CSMD2: variants seen among roughly 807,000 people sequenced by gnomAD.
CSMD2 encodes CUB and Sushi multiple domains 2.
In CSMD2, 130 loss-of-function variants were observed where a neutral mutation model predicts 398.5. The observed-to-expected ratio is 0.33, with a 90% CI of 0.28 to 0.38. CSMD2 has a LOEUF of 0.38. Ranked by LOEUF, CSMD2 falls within the 10% of genes least tolerant of loss-of-function variation. The pLI is 1.00. For synonymous variants in CSMD2, 1,828 were observed against 1,908.5 expected, an observed-to-expected ratio of 0.96 and a Z score of 1.10; for missense variants, 3,829 against 4,764.9, an observed-to-expected ratio of 0.80 and a Z score of 5.78.
chr1:33,966,587 GGGT>G (rs1645565429), intron 3 of CSMD2, among the ~76,000 whole-genome samples: 3 of 152,194 alleles, frequency 2.0e-5, no homozygotes, highest in Admixed American at 2.0e-4. Context: ...CAACTGCCCA[GGGT>G]GGTGATGAAA....
chr1:33,902,275 G>A (rs566245425), intron 5 of CSMD2, among the ~76,000 whole-genome samples: 77 of 152,216 alleles, frequency 5.1e-4, no homozygotes, highest in African/African-American at 1.5e-3. Context: ...CCTGGAAACC[G>A]CCCCATCTGG....
intron 3 of CSMD2, among the ~76,000 whole-genome samples, chr1:34,010,967 G>A (rs973308010): frequency 6.6e-6 from 1 of 152,152 alleles, no homozygotes; most frequent in African/African-American, 2.4e-5. Flanking sequence ...GGAAGGCCTA[G>A]CCACCTTCTT....
At chr1:33,908,400 A>T (rs1408040316) in intron 5 of CSMD2, among the ~76,000 whole-genome samples, 1 of 152,250 alleles carries the variant, frequency 6.6e-6, no homozygotes, top group East Asian at 1.9e-4. Flanking sequence ...TCTTAGCGGC[A>T]CCATCAGGCA....
intron 1 of CSMD2, among the ~76,000 whole-genome samples, chr1:34,138,966 C>T (rs9662615): frequency 0.42 from 63,413 of 151,802 alleles, 14,496 homozygotes; most frequent in East Asian, 0.66. Context: ...CATCACCCCC[C>T]ATCCTCACCT....
chr1:33,997,889 T>C (rs1041675437), intron 3 of CSMD2, among the ~76,000 whole-genome samples: 13 of 152,176 alleles, frequency 8.5e-5, no homozygotes, highest in African/African-American at 2.7e-4. Flanking sequence ...GAATGCCTTC[T>C]TTTCTCGAAG....
chr1:33,957,622 C>T (rs1018860731), intron 3 of CSMD2, among the ~76,000 whole-genome samples: 6 of 152,138 alleles, frequency 3.9e-5, no homozygotes, highest in African/African-American at 1.4e-4. Flanking sequence ...TATCCCACTC[C>T]CAGGTTGGCC....
chr1:34,009,372 C>T (rs761000374), intron 3 of CSMD2, among the ~76,000 whole-genome samples: 5 of 152,062 alleles, frequency 3.3e-5, no homozygotes, highest in African/African-American at 7.2e-5. Flanking sequence ...GGTGGAAGGG[C>T]CTTCCACAGT....
intron 43 of CSMD2, among the ~76,000 whole-genome samples, 154 bp from the exon 44 acceptor site, chr1:33,601,164 C>A (rs1640192393): frequency 6.6e-6 from 1 of 152,104 alleles, no homozygotes; most frequent in Admixed American, 6.5e-5. Context: ...AATACCTCTC[C>A]CAACCGTTCC....
At chr1:33,536,310 G>A (rs1225567466) in intron 62 of CSMD2, among the ~76,000 whole-genome samples, 1 of 152,056 alleles carries the variant, frequency 6.6e-6, no homozygotes, top group Non-Finnish European at 1.5e-5. Flanking sequence ...TGCAAGCTCC[G>A]CCTCCTGGGT....
intron 4 of CSMD2, among the ~76,000 whole-genome samples, chr1:33,931,835 C>T (rs1017283945): frequency 9.9e-5 from 15 of 152,224 alleles, no homozygotes; most frequent in African/African-American, 3.6e-4. Context: ...TTTGTCAGAT[C>T]TGTGCCTTAG....
At chr1:33,596,401 G>A (rs1041090704) in intron 44 of CSMD2, among the ~76,000 whole-genome samples, 20 of 152,044 alleles carry the variant, frequency 1.3e-4, no homozygotes, top group African/African-American at 4.8e-4. Context: ...CTGACACCCC[G>A]GCCTGGGCTA....
chr1:33,791,224 A>G (rs1324773208), intron 11 of CSMD2, among the ~76,000 whole-genome samples: 1 of 152,190 alleles, frequency 6.6e-6, no homozygotes, highest in African/African-American at 2.4e-5. Flanking sequence ...GCTGAAATCA[A>G]AAGACATGAA....
At chr1:34,078,943 G>T (rs1012117302) in intron 2 of CSMD2, among the ~76,000 whole-genome samples, 1 of 152,074 alleles carries the variant, frequency 6.6e-6, no homozygotes, top group Non-Finnish European at 1.5e-5. Context: ...TAACTCTGGG[G>T]ATAACTCTTT....
At chr1:33,668,892 A>ACTTACTG (rs1644399742) in intron 25 of CSMD2, among the ~76,000 whole-genome samples, 1 of 152,222 alleles carries the variant, frequency 6.6e-6, no homozygotes, top group Non-Finnish European at 1.5e-5. Flanking sequence ...CCTGGAGGAA[A>ACTTACTG]CTTACTGAAG....
At chr1:33,779,459 T>C (rs982780218) in intron 12 of CSMD2, among the ~76,000 whole-genome samples, 19 of 152,174 alleles carry the variant, frequency 1.2e-4, no homozygotes, top group African/African-American at 4.6e-4. Flanking sequence ...GTACACAAGA[T>C]AATTGTCAAA....
In CSMD2 at chr1:34,087,987, C is replaced by CG. The variant is rs202080756; in HGVS notation, c.404+989_404+990insC. Among the ~76,000 whole-genome samples, 904 of 152,280 alleles carry CG rather than the reference C, an allele frequency of 5.9e-3. 9 individuals are homozygous for CG. The highest frequency in any genetic ancestry group is 0.052 in the East Asian group (270 of 5,168). Reference sequence around the variant, plus strand: ...GGGTGCAGGGGGCCCCAGATGCCCCCCCGCCTCTGCTGCAGGCTTCCCAGA... The same window carrying CG: ...GGGTGCAGGGGGCCCCAGATGCCCCCGCCGCCTCTGCTGCAGGCTTCCCAGA... On this transcript the variant is annotated intron_variant, in intron 2 of 70. Coordinates refer to ENST00000373381, the MANE Select transcript of CSMD2 (RefSeq NM_001281956.2).
chr1:33,729,082 T>A (rs1158525086), intron 15 of CSMD2, among the ~76,000 whole-genome samples: 1 of 152,170 alleles, frequency 6.6e-6, no homozygotes, highest in Non-Finnish European at 1.5e-5. Context: ...GAGGGACTCT[T>A]TCTTGGCTCC....
At chr1:33,891,938 T>C (rs546602803) in intron 5 of CSMD2, among the ~76,000 whole-genome samples, 48 of 146,092 alleles carry the variant, frequency 3.3e-4, no homozygotes, top group African/African-American at 1.2e-3. Context: ...TTAGGAGATA[T>C]ACCTAATGCT....
intron 25 of CSMD2, among the ~76,000 whole-genome samples, chr1:33,665,489 G>T (rs1040526963): frequency 6.8e-5 from 6 of 88,426 alleles, no homozygotes; most frequent in Non-Finnish European, 1.2e-4. Flanking sequence ...TTTTTTTTGC[G>T]ACAGGGCCTA....
Sources: gnomAD v4.1 joint callset for allele counts (sites outside exome capture counted in the v4.1 genomes callset) on GRCh38, gnomAD v4.1.1 for gene constraint, MANE v1.5 for transcripts, NCBI Gene and HGNC (gene_info 2026-07-23, HGNC 2026-07-21) for gene names.